The following CHD6 variants were observed in gnomAD, a reference collection of about 807,000 sequenced individuals.
The protein encoded by CHD6 is ATP-dependent chromatin remodeler CHD6.
In CHD6, 50 loss-of-function variants were observed where a neutral mutation model predicts 276.9. The ratio of observed to expected loss-of-function variants is 0.18; its 90% confidence interval spans 0.14 to 0.23. The LOEUF (loss-of-function observed/expected upper bound fraction) is 0.23. Ranked by LOEUF, CHD6 falls within the 10% of genes least tolerant of loss-of-function variation. The probability of loss-of-function intolerance (pLI) is 1.00; values close to 1 mark genes in which losing one functional copy is unlikely to be tolerated. For missense variants in CHD6, 2,564 were observed against 3,365.8 expected (o/e 0.76, Z 5.89); for synonymous variants, 1,173 against 1,229.3 (o/e 0.95, Z 0.96).
chr20:41,533,263 C>T lies in CHD6; in HGVS notation c.341G>A (p.Arg114Lys). The change falls in exon 3 of 37, where the codon AGA becomes AAA. Residue 114 changes from arginine to lysine, a missense_variant. Arg to Lys is a conservative substitution (Grantham distance 26). Transcript: ENST00000373233. ...TCGTTTCCTCTTTGGCTTGGGCTCT[C>T]TGTCCTTGCTTCCCTTTGCTGCACC... is the stretch of plus-strand genomic sequence containing the variant. ...QEGAAKGSKD[R>K]EPKPKRKREP... 6.2e-7 allele frequency: 1 copy of T among 1,613,744 alleles called. No individual in the cohort carries two copies. Among genetic ancestry groups the T allele is most frequent in the Non-Finnish European group, 8.5e-7 (1 of 1,179,952 alleles).
At chr20:41,509,871 A>C (rs934902653) in intron 5 of CHD6, among the ~76,000 whole-genome samples, 3 of 152,112 alleles carry the variant, frequency 2.0e-5, no homozygotes, top group Admixed American at 1.3e-4. Context: ...ATGGAGTGCA[A>C]AGCAGAGCTG....
Position 41,413,498 on chromosome 20 carries a change from TGG to T in CHD6, c.6955_6956del (p.Pro2319ArgfsTer11). 6.4e-7 allele frequency: 1 copy of T among 1,574,230 alleles called. No individual in the cohort carries two copies. The highest frequency in any genetic ancestry group is 8.6e-7 in the Non-Finnish European group (1 of 1,160,284). ...GTGTGGTGCTCAAGGTGGCCTGCCC[TGG>T]GTCTTCATGGACTTCCTGGATGAAG... ...QAGILEVHED[P>X]GQATLSTTHP... On this transcript the variant is annotated frameshift_variant, in exon 35 of 37. Coordinates refer to ENST00000373233, the MANE Select transcript of CHD6 (RefSeq NM_032221.5). LOFTEE classifies it high-confidence loss of function.
At chr20:41,442,656 T>C (rs2047935891) in intron 25 of CHD6, among the ~76,000 whole-genome samples, 2 of 152,238 alleles carry the variant, frequency 1.3e-5, no homozygotes, top group Admixed American at 6.5e-5. Context: ...AGCTGCTGAG[T>C]ATCTGAGAAG....
intron 24 of CHD6, 147 bp downstream of exon 24, chr20:41,447,735 C>A: frequency 2.0e-6 from 1 of 497,284 alleles, no homozygotes; most frequent in Non-Finnish European, 3.6e-6. Flanking sequence ...ATTCTACTTG[C>A]CTGTTCTCCC....
chr20:41,448,012 C>G, intron 23 of CHD6, 41 bp from the exon 24 acceptor site: 1 of 1,217,686 alleles, frequency 8.2e-7, no homozygotes, highest in Non-Finnish European at 1.2e-6. Flanking sequence ...AATTAGAACC[C>G]ATAACTGTCT....
At chr20:41,511,299 A>G (rs1027663723) in intron 5 of CHD6, among the ~76,000 whole-genome samples, 7 of 152,340 alleles carry the variant, frequency 4.6e-5, no homozygotes, top group African/African-American at 1.4e-4. Flanking sequence ...CAGTGACTCC[A>G]TAACAACAGA....
rs143610907 is a variant in CHD6 at position 41,458,300 on chromosome 20, A to T, written c.2665-872T>A. Among the ~76,000 whole-genome samples, 4 of 152,378 alleles carry T rather than the reference A, an allele frequency of 2.6e-5. No homozygotes were observed. In the East Asian group the frequency reaches 7.7e-4, roughly 29 times the overall value. On this transcript the variant is annotated intron_variant, in intron 17 of 36. Coordinates refer to ENST00000373233, the MANE Select transcript of CHD6 (RefSeq NM_032221.5). ...TTATTTAATCAGTTTCCAAAATAAC[A>T]TCCCAAAAAGTGACCAATGAAATTT...
At chr20:41,464,812 A>G (rs1442101034) in intron 17 of CHD6, among the ~76,000 whole-genome samples, 1 of 152,224 alleles carries the variant, frequency 6.6e-6, no homozygotes, top group Non-Finnish European at 1.5e-5. Flanking sequence ...GGTCAATTCC[A>G]ACGTGGGGGC....
chr20:41,525,465 G>T (rs531116287), intron 3 of CHD6, among the ~76,000 whole-genome samples: 46 of 152,250 alleles, frequency 3.0e-4, no homozygotes, highest in African/African-American at 1.1e-3. Context: ...CAAACACAGC[G>T]CCTGCCTGAG....
At chr20:41,479,547 A>AT (rs1015295102) in intron 16 of CHD6, among the ~76,000 whole-genome samples, 47 of 152,286 alleles carry the variant, frequency 3.1e-4, no homozygotes, top group African/African-American at 1.1e-3. Flanking sequence ...AGGAAAAAAA[A>AT]GTGAACCTAA....
At chr20:41,591,859 G>A (rs2045665126) in intron 1 of CHD6, among the ~76,000 whole-genome samples, 1 of 152,150 alleles carries the variant, frequency 6.6e-6, no homozygotes, top group Admixed American at 6.5e-5. Flanking sequence ...CAGCCCTCTG[G>A]GAGGCCAAGG....
chr20:41,557,201 G>C (rs78126724), intron 1 of CHD6, among the ~76,000 whole-genome samples: 73 of 152,362 alleles, frequency 4.8e-4, no homozygotes, highest in African/African-American at 1.7e-3. Context: ...TGGGAAGCTA[G>C]TGGGACTCCC....
At chr20:41,469,848 ATC>A (rs2043013616) in intron 17 of CHD6, among the ~76,000 whole-genome samples, 2 of 152,220 alleles carry the variant, frequency 1.3e-5, no homozygotes, top group African/African-American at 4.8e-5. Flanking sequence ...TATTGCTAAG[ATC>A]TCTCAGTGCT....
chr20:41,407,235 G>C lies in CHD6; in HGVS notation c.7252-1746C>G, dbSNP rs529480155. On this transcript the variant is annotated intron_variant, in intron 36 of 36. Transcript: ENST00000373233. The stretch of plus-strand genomic sequence containing the variant: ...TCCCTTCCACTAGAGTCTGCAGAGT[G>C]GGGGGTGGGGATGTGACAAGCAGCA... Among the ~76,000 whole-genome samples, 17 of 152,274 alleles carry C rather than the reference G, an allele frequency of 1.1e-4. 1 individual carries two copies. In the South Asian group the frequency reaches 2.3e-3, roughly 20 times the overall value.
chr20:41,521,869 C>T (rs369513937), intron 3 of CHD6, among the ~76,000 whole-genome samples: 2 of 152,112 alleles, frequency 1.3e-5, no homozygotes, highest in African/African-American at 2.4e-5. Flanking sequence ...GCTTTCGTTG[C>T]CCAAAACTGA....
chr20:41,422,976 G>A (rs527481954), intron 30 of CHD6, among the ~76,000 whole-genome samples: 1 of 152,292 alleles, frequency 6.6e-6, no homozygotes, highest in African/African-American at 2.4e-5. Flanking sequence ...ACAAATACGA[G>A]GCTACAGGGA....
intron 1 of CHD6, among the ~76,000 whole-genome samples, chr20:41,591,459 G>T (rs561573204): frequency 1.3e-5 from 2 of 151,642 alleles, no homozygotes; most frequent in East Asian, 3.9e-4. Flanking sequence ...GGGAGGCCAA[G>T]GTGGGCAGAT....
intron 5 of CHD6, 66 bp downstream of exon 5, chr20:41,512,780 C>CAAGAA: frequency 1.3e-6 from 2 of 1,579,000 alleles, no homozygotes; most frequent in Non-Finnish European, 1.7e-6. Flanking sequence ...GGCCAAGAAA[C>CAAGAA]ACGTCTGTCA....
intron 1 of CHD6, among the ~76,000 whole-genome samples, chr20:41,579,437 C>CAAAAAAAAAAAAAAAAA (rs574347177): frequency 1.4e-5 from 1 of 69,968 alleles, no homozygotes; most frequent in African/African-American, 6.2e-5. Context: ...GACTCTGTCT[C>CAAAAAAAAAAAAAAAAA]AAAAAAAAAA....
Sources: gnomAD v4.1 joint callset for allele counts (sites outside exome capture counted in the v4.1 genomes callset) on GRCh38, gnomAD v4.1.1 for gene constraint, MANE v1.5 for transcripts, NCBI Gene and HGNC (gene_info 2026-07-23, HGNC 2026-07-21) for gene names.